The following TUT1 variants were observed in gnomAD, a reference collection of about 807,000 sequenced individuals.
The protein encoded by TUT1 is speckle targeted PIP5K1A-regulated poly(A) polymerase.
In TUT1, 26 loss-of-function variants were observed where a neutral mutation model predicts 48.8. The observed-to-expected ratio is 0.53, with a 90% CI of 0.39 to 0.74. The LOEUF (loss-of-function observed/expected upper bound fraction) is 0.74. Ranked by LOEUF, TUT1 falls within the 30% of genes least tolerant of loss-of-function variation. The pLI is 0.00. For synonymous variants in TUT1, 470 were observed against 460.8 expected (o/e 1.02, Z -0.26); for missense variants, 1,065 against 1,114.8 (o/e 0.96, Z 0.64).
At position 62,578,947 on chromosome 11, in the gene TUT1, T is replaced by C; in HGVS notation, c.774A>G (p.Pro258=). The change falls in exon 5 of 9, where the codon CCA becomes CCG. Residue 258 remains proline (P), a synonymous_variant. Coordinates refer to ENST00000476907, the MANE Select transcript of TUT1 (RefSeq NM_022830.3). ...PLDPQALACT[P]ASPPDSQPPA... is the part of the protein sequence containing the mutation. ...GAGGTTGTGAATCTGGAGGGGAAGC[T>C]GGGGTGCAGGCCAGGGCTTGAGGGT... 6.4e-7 allele frequency: 1 copy of C among 1,553,438 alleles called. No homozygotes were observed. The highest frequency in any genetic ancestry group is 8.7e-7 in the Non-Finnish European group (1 of 1,150,136).
chr11:62,578,730 T>C lies in TUT1; in HGVS notation c.991A>G (p.Lys331Glu), dbSNP rs1254970418. ...GCTGCCCCCTCTGCTTTCTCCTCCTTTGGGGTCTCTGCTAGTTCCGAGGCC... is the reference window on the plus strand; with the variant it reads ...GCTGCCCCCTCTGCTTTCTCCTCCTCTGGGGTCTCTGCTAGTTCCGAGGCC... ...GKASELAETP[K>E]EEKAEGAAML... The change falls in exon 5 of 9, where the codon AAG (lysine) becomes GAG (glutamate). Residue 331 changes from lysine to glutamate, a missense_variant. Physicochemically the swap from Lys to Glu is moderately conservative, Grantham distance 56. Coordinates refer to ENST00000476907, the MANE Select transcript of TUT1 (RefSeq NM_022830.3). 2.5e-6 allele frequency: 4 copies of C among 1,613,946 alleles called. No homozygotes were observed. Among genetic ancestry groups the C allele is most frequent in the Non-Finnish European group, 3.4e-6 (4 of 1,180,018 alleles).
rs372258097 is a variant in TUT1, at chr11:62,576,979, G to A, written c.1309C>T (p.Leu437=). The A allele has an allele frequency of 1.9e-6, 3 of 1,614,012 alleles. No individual in the cohort carries two copies. Among genetic ancestry groups the A allele is most frequent in the Non-Finnish European group, 1.7e-6 (2 of 1,180,034 alleles). Residue 437 remains leucine, a synonymous_variant, in exon 7 of 9, where the codon CTG becomes TTG. Coordinates refer to ENST00000476907, the MANE Select transcript of TUT1 (RefSeq NM_022830.3). ...CTGGTCTGAAGAAAATAGATCACCA[G>A]CAAGGTCAGGGCGTAGTTACTGAGA... is the stretch of plus-strand genomic sequence containing the variant. ...PLLSNYALTL[L]VIYFLQTRDP...
At position 62,575,877 on chromosome 11, in the gene TUT1, T is replaced by A. The variant is rs761711565; in HGVS notation, c.1842A>T (p.Ala614=). Residue 614 remains alanine (A), a synonymous_variant, in exon 9 of 9, where the codon GCA becomes GCT. Transcript: ENST00000476907. The part of the protein sequence containing the change: ...LSATPIPLPL[A]PFTQLTAALV... The stretch of plus-strand genomic sequence containing the variant: ...GGGCAGCAGTGAGCTGGGTGAAGGG[T>A]GCAAGGGGTAAAGGGATCGGCGTAG... 6 of 1,613,962 alleles carry A rather than the reference T, an allele frequency of 3.7e-6. No individual in the cohort carries two copies. The highest frequency in any genetic ancestry group is 5.1e-6 in the Non-Finnish European group (6 of 1,179,958).
intron 2 of TUT1, among the ~76,000 whole-genome samples, chr11:62,583,439 A>T (rs550128575): frequency 7.8e-4 from 119 of 152,176 alleles, no homozygotes; most frequent in Non-Finnish European, 9.4e-4. Context: ...GCAAAACCCC[A>T]TCTCCACTAA....
chr11:62,588,863 T>C (rs1157978318), intron 2 of TUT1, among the ~76,000 whole-genome samples, 168 bp downstream of exon 2: 2 of 152,166 alleles, frequency 1.3e-5, no homozygotes, highest in Non-Finnish European at 2.9e-5. Context: ...CCCAGCTAAT[T>C]TTTTATTTTT....
chr11:62,580,314 G>C lies in TUT1; in HGVS notation c.690+792C>G, dbSNP rs372761799. Among the ~76,000 whole-genome samples, 4 of 151,890 alleles carry C rather than the reference G, an allele frequency of 2.6e-5. No homozygotes were observed. The East Asian group carries it at 5.9e-4, about 22-fold the overall frequency. Reference sequence around the variant, plus strand: ...TCTCTACTAAAAATACAAAAAATTAGCCAGGCATGGTGGCGTGTGCCTGTA... The same window carrying C: ...TCTCTACTAAAAATACAAAAAATTACCCAGGCATGGTGGCGTGTGCCTGTA... On this transcript the variant is annotated intron_variant, in intron 4 of 8. Transcript: ENST00000476907.
Position 62,575,451 on chromosome 11 carries a change from CT to C in TUT1, c.2267del (p.Lys756ArgfsTer59), listed in dbSNP as rs1339893200. On this transcript the variant is annotated frameshift_variant, in exon 9 of 9. Coordinates refer to ENST00000476907, the MANE Select transcript of TUT1 (RefSeq NM_022830.3). LOFTEE classifies it low-confidence loss of function (END_TRUNC). ...TCGCTGAGGAGGGCAGGGATGCCCC[CT>C]TCCCTGCCTCACCCTGAGACCATTC... is the stretch of plus-strand genomic sequence containing the variant. ...AQEWSQGEAG[K>X]GASLPSSASW... The C allele has an allele frequency of 6.2e-7, 1 of 1,611,426 alleles. No individual in the cohort carries two copies. The highest frequency in any genetic ancestry group is 8.5e-7 in the Non-Finnish European group (1 of 1,179,996).
In TUT1 at chr11:62,575,961, A is replaced by T; in HGVS notation, c.1758T>A (p.Gly586=). 1 of 1,613,746 alleles carries T rather than the reference A, an allele frequency of 6.2e-7. No homozygotes were observed. ...GAAGAGGGAGCAGCCCCCAGTCCCG[A>T]CCCCGGGAGGAACGGCGCTGGTACT... ...SLQYQRRSSR[G]RDWGLLPLLQ... is the part of the protein sequence containing the mutation. Residue 586 remains glycine, a synonymous_variant, in exon 9 of 9, where the codon GGT becomes GGA. Transcript: ENST00000476907.
intron 4 of TUT1, among the ~76,000 whole-genome samples, chr11:62,580,561 A>AT (rs987537459): frequency 2.6e-4 from 35 of 136,434 alleles, no homozygotes; most frequent in African/African-American, 7.9e-4. Context: ...CCATTTTGAA[A>AT]TTTTTTTTTT....
chr11:62,576,866 G>A (rs949869148), intron 7 of TUT1, 41 bp downstream of exon 7: 2 of 1,604,036 alleles, frequency 1.2e-6, no homozygotes, highest in East Asian at 4.5e-5. Context: ...GAAGAGAGAG[G>A]AAACTAACAA....
At chr11:62,588,835 C>T (rs559931912) in intron 2 of TUT1, among the ~76,000 whole-genome samples, 196 bp downstream of exon 2, 16 of 152,358 alleles carry the variant, frequency 1.1e-4, no homozygotes, top group African/African-American at 3.1e-4. Context: ...GCTGGGACTA[C>T]AGGCATGCGC....
Position 62,578,584 on chromosome 11 carries a change from G to A in TUT1, c.1137C>T (p.His379=), listed in dbSNP as rs201965766. ...ACCGGTTACTGAGGGAGACATCACC[G>A]TGGAGACCTGAAGGCCGATGACAGA... The part of the protein sequence containing the change: ...VKFCHRPSGL[H]GDVSLSNRLA... The change falls in exon 5 of 9, where the codon CAC becomes CAT. Residue 379 remains histidine (H), a synonymous_variant. Transcript: ENST00000476907. The A allele has an allele frequency of 7.7e-5, 124 of 1,609,300 alleles. No homozygotes were observed. Among genetic ancestry groups the A allele is most frequent in the South Asian group, 1.8e-4 (16 of 90,572 alleles).
rs1365241419 is a variant in TUT1, at chr11:62,578,967, G to C, written c.754C>G (p.Gln252Glu). Residue 252 changes from glutamine (Q) to glutamate (E), a missense_variant, in exon 5 of 9, where the codon CAA becomes GAA. Physicochemically the swap from Gln to Glu is conservative, Grantham distance 29. Transcript: ENST00000476907. The part of the protein sequence containing the change: ...DSALASPLDP[Q>E]ALACTPASPP... Reference sequence around the variant, plus strand: ...GAAGCTGGGGTGCAGGCCAGGGCTTGAGGGTCCAGTGGGGAAGCCAGGGCC... The same window carrying C: ...GAAGCTGGGGTGCAGGCCAGGGCTTCAGGGTCCAGTGGGGAAGCCAGGGCC... 2 of 1,532,826 alleles carry C rather than the reference G, an allele frequency of 1.3e-6. No homozygotes were observed. The highest frequency in any genetic ancestry group is 1.8e-4 in the Middle Eastern group (1 of 5,594). The allele number at this position is 1,532,826 out of a possible 1,614,324, so 95.0% of individuals were successfully genotyped here.
chr11:62,589,813 G>A (rs1484513910), intron 1 of TUT1, among the ~76,000 whole-genome samples: 1 of 152,224 alleles, frequency 6.6e-6, no homozygotes, highest in African/African-American at 2.4e-5. Flanking sequence ...ATATAGTGAT[G>A]TCAAAGGCAG....
chr11:62,580,776 AT>A (rs999253062), intron 4 of TUT1, among the ~76,000 whole-genome samples: 48 of 145,328 alleles, frequency 3.3e-4, no homozygotes, highest in Non-Finnish European at 4.1e-4. Flanking sequence ...TAATTTTTGT[AT>A]TTTTTTTTTA....
intron 1 of TUT1, among the ~76,000 whole-genome samples, chr11:62,591,138 C>T (rs552090937): frequency 9.9e-5 from 15 of 151,194 alleles, no homozygotes; most frequent in Non-Finnish European, 2.1e-4. Context: ...ATACCAGGCA[C>T]AGAGCATATG....
rs1193959999 is a variant in TUT1 at position 62,575,401 on chromosome 11, C to T, written c.2318G>A (p.Arg773Gln). The T allele has an allele frequency of 6.8e-6, 11 of 1,612,120 alleles. No homozygotes were observed. The highest frequency in any genetic ancestry group is 3.3e-5 in the Admixed American group (2 of 60,000). Reference sequence around the variant, plus strand: ...GGCTCGCCGCCGCCCTTGCCACACTCGGTGCCACAAGGCACAGCGCCAGCT... The same window carrying T: ...GGCTCGCCGCCGCCCTTGCCACACTTGGTGCCACAAGGCACAGCGCCAGCT... ...SASWRCALWH[R>Q]VWQGRRRARR... The change falls in exon 9 of 9, where the codon CGA (arginine) becomes CAA (glutamine). Residue 773 changes from arginine to glutamine, a missense_variant. Arg to Gln is a conservative substitution (Grantham distance 43). Transcript: ENST00000476907.
In TUT1 at chr11:62,576,664, C is replaced by A. The variant is rs779866693; in HGVS notation, c.1467G>T (p.Glu489Asp). 1.2e-6 allele frequency: 2 copies of A among 1,614,112 alleles called. No individual in the cohort carries two copies. The highest frequency in any genetic ancestry group is 4.5e-5 in the East Asian group (2 of 44,888). The change falls in exon 8 of 9, where the codon GAG becomes GAT. Residue 489 changes from glutamate to aspartate, a missense_variant. Physicochemically the swap from Glu to Asp is conservative, Grantham distance 45. Coordinates refer to ENST00000476907, the MANE Select transcript of TUT1 (RefSeq NM_022830.3). ...ASRLEPSINV[E>D]PLSSLLAQFF... ...CAGGCTCCCCAAACTCACTGAGGGG[C>A]TCCACATTTATGCTGGGCTCCAGTC...
At chr11:62,582,659 C>A (rs1941849899) in intron 2 of TUT1, 6 of 441,710 alleles carry the variant, frequency 1.4e-5, no homozygotes, top group South Asian at 8.0e-5. Flanking sequence ...TTACTCTCAC[C>A]CCAGTCTGCC....
Sources: allele counts gnomAD v4.1 joint callset (sites outside exome capture counted in the v4.1 genomes callset), GRCh38; gene constraint gnomAD v4.1.1; transcripts MANE v1.5; gene names NCBI Gene and HGNC (gene_info 2026-07-23, HGNC 2026-07-21).